Variants in RPIA observed in about 807,000 individuals in gnomAD.
RPIA encodes ribose 5-phosphate isomerase A, also known as ribose-5-phosphate isomerase.
In RPIA, 29 loss-of-function variants were observed where a neutral mutation model predicts 37.8. The observed-to-expected ratio is 0.77, with a 90% CI of 0.57 to 1.05. The LOEUF (loss-of-function observed/expected upper bound fraction) is 1.05. RPIA is among the 50% of genes least tolerant of loss of function. The probability of loss-of-function intolerance (pLI) is 0.00; values close to 1 mark genes in which losing one functional copy is unlikely to be tolerated. For missense variants in RPIA, 385 were observed against 413.6 expected, an observed-to-expected ratio of 0.93 and a Z score of 0.60; for synonymous variants, 167 against 157.0, an observed-to-expected ratio of 1.06 and a Z score of -0.48.
At position 88,735,720 on chromosome 2, in the gene RPIA, C is replaced by T. The variant is rs749176116; in HGVS notation, c.579C>T (p.Ile193=). 16 of 1,613,880 alleles carry T rather than the reference C, an allele frequency of 9.9e-6. No individual in the cohort carries two copies. Among genetic ancestry groups the T allele is most frequent in the South Asian group, 4.4e-5 (4 of 91,064 alleles). Residue 193 remains isoleucine, a synonymous_variant, in exon 6 of 9, where the codon ATC becomes ATT. Coordinates refer to ENST00000283646, the MANE Select transcript of RPIA (RefSeq NM_144563.3). ...TGGCTGGCTATGCTAGTCGCTTCATCGTGATCGCTGATTTCAGGTACAGTT... is the reference window on the plus strand; with the variant it reads ...TGGCTGGCTATGCTAGTCGCTTCATTGTGATCGCTGATTTCAGGTACAGTT... ...KIVAGYASRF[I]VIADFRKDSK...
At chr2:88,712,858 G>GCTTCTT (rs928368624) in intron 3 of RPIA, among the ~76,000 whole-genome samples, 37 of 151,298 alleles carry the variant, frequency 2.4e-4, no homozygotes, top group Non-Finnish European at 5.2e-4. Flanking sequence ...GGTTGCCCTT[G>GCTTCTT]CTTCTTCTTC....
intron 1 of RPIA, among the ~76,000 whole-genome samples, chr2:88,693,894 C>T (rs191899066): frequency 1.3e-5 from 2 of 152,336 alleles, no homozygotes; most frequent in Admixed American, 6.5e-5. Flanking sequence ...TGGGTGTAGC[C>T]ACCCAGGATG....
Position 88,723,400 on chromosome 2 carries a change from C to T in RPIA, c.403-5878C>T, listed in dbSNP as rs369203361. Reference sequence around the variant, plus strand: ...CATAAAGGAGTTACCTGCCTTCCATCGTCATGGAAACAGGAAATCTTGCAT... The same window carrying T: ...CATAAAGGAGTTACCTGCCTTCCATTGTCATGGAAACAGGAAATCTTGCAT... On this transcript the variant is annotated intron_variant, in intron 3 of 8. Coordinates refer to ENST00000283646, the MANE Select transcript of RPIA (RefSeq NM_144563.3). Among the ~76,000 whole-genome samples, 55 of 152,268 alleles carry T rather than the reference C, an allele frequency of 3.6e-4. No individual in the cohort carries two copies. The South Asian group carries it at 6.8e-3, about 19-fold the overall frequency.
intron 3 of RPIA, among the ~76,000 whole-genome samples, chr2:88,723,748 T>C (rs1174279704): frequency 6.6e-6 from 1 of 152,136 alleles, no homozygotes; most frequent in African/African-American, 2.4e-5. Context: ...CACGTGCCTG[T>C]GACACACCTC....
At chr2:88,732,963 A>G (rs560700536) in intron 4 of RPIA, among the ~76,000 whole-genome samples, 1 of 152,312 alleles carries the variant, frequency 6.6e-6, no homozygotes, top group East Asian at 1.9e-4. Context: ...AGGATACCAC[A>G]ATTTTCCCAT....
At chr2:88,741,200 C>T (rs1673377912) in intron 8 of RPIA, among the ~76,000 whole-genome samples, 1 of 152,128 alleles carries the variant, frequency 6.6e-6, no homozygotes. Flanking sequence ...AGTCTTTTCT[C>T]CCTTGTCCCA....
At position 88,691,967 on chromosome 2, in the gene RPIA, T is replaced by C; in HGVS notation, c.269T>C (p.Val90Ala). 2 of 1,590,136 alleles carry C rather than the reference T, an allele frequency of 1.3e-6. No homozygotes were observed. Among genetic ancestry groups the C allele is most frequent in the Non-Finnish European group, 1.7e-6 (2 of 1,169,584 alleles). ...AAGAAGCTGGCGGGCCGCGCGGCTGTGGAGAACCACGTGAGGGTGAGCACT... is the reference window on the plus strand; with the variant it reads ...AAGAAGCTGGCGGGCCGCGCGGCTGCGGAGAACCACGTGAGGGTGAGCACT... ...EAKKLAGRAAVENHVRNNQVL... is the reference protein window; with the variant it reads ...EAKKLAGRAAAENHVRNNQVL... The change falls in exon 1 of 9, where the codon GTG becomes GCG. Residue 90 changes from valine to alanine, a missense_variant. Physicochemically the swap from Val to Ala is moderately conservative, Grantham distance 64. Around this residue, in one of 2 missense-constraint regions of RPIA, gnomAD observed 232 missense variants for 203.0 expected, o/e 1.14. Transcript: ENST00000283646.
Position 88,699,994 on chromosome 2 carries a change from C to T in RPIA, c.347-15C>T. Reference sequence around the variant, plus strand: ...GGAGAGTGAAAAACTGCCAATATGGCTTTTGTTTCCACAGCTGAAAGGGTG... The same window carrying T: ...GGAGAGTGAAAAACTGCCAATATGGTTTTTGTTTCCACAGCTGAAAGGGTG... On this transcript the variant is annotated splice_polypyrimidine_tract_variant and intron_variant, in intron 2 of 8. Transcript: ENST00000283646. 2.5e-6 allele frequency: 4 copies of T among 1,614,012 alleles called. No homozygotes were observed. Among genetic ancestry groups the T allele is most frequent in the Non-Finnish European group, 3.4e-6 (4 of 1,179,838 alleles).
At chr2:88,722,542 C>G (rs1673147045) in intron 3 of RPIA, among the ~76,000 whole-genome samples, 1 of 152,214 alleles carries the variant, frequency 6.6e-6, no homozygotes, top group Non-Finnish European at 1.5e-5. Flanking sequence ...CATCTTGCTT[C>G]TAACCTTTAC....
rs766404878 is a variant in RPIA at position 88,691,732 on chromosome 2, G to A, written c.34G>A (p.Gly12Arg). Residue 12 changes from glycine to arginine, a missense_variant, in exon 1 of 9, where the codon GGG (glycine) becomes AGG (arginine). Gly to Arg is a moderately radical substitution (Grantham distance 125). Coordinates refer to ENST00000283646, the MANE Select transcript of RPIA (RefSeq NM_144563.3). Reference sequence around the variant, plus strand: ...CCCCGGGCCCTTCAGCACCCTCTACGGGCGGGTCTTGGCCCCGCTGCCCGG... The same window carrying A: ...CCCCGGGCCCTTCAGCACCCTCTACAGGCGGGTCTTGGCCCCGCTGCCCGG... ...QRPGPFSTLYGRVLAPLPGRA... is the reference protein window; with the variant it reads ...QRPGPFSTLYRRVLAPLPGRA... The A allele has an allele frequency of 3.1e-6, 5 of 1,593,980 alleles. No homozygotes were observed. Among genetic ancestry groups the A allele is most frequent in the African/African-American group, 2.7e-5 (2 of 74,580 alleles).
chr2:88,742,945 A>T (rs746932413), intron 8 of RPIA, among the ~76,000 whole-genome samples: 10 of 152,062 alleles, frequency 6.6e-5, no homozygotes, highest in Admixed American at 1.3e-4. Flanking sequence ...AGCTTTTTGG[A>T]TGAGTCCTGA....
At chr2:88,716,599 A>T (rs1048479941) in intron 3 of RPIA, among the ~76,000 whole-genome samples, 3 of 152,206 alleles carry the variant, frequency 2.0e-5, no homozygotes, top group Non-Finnish European at 4.4e-5. Flanking sequence ...AGACTGGAAA[A>T]TGCTGGCCCA....
chr2:88,698,342 A>G (rs1573459288), intron 1 of RPIA, 142 bp from the exon 2 acceptor site: 1 of 765,302 alleles, frequency 1.3e-6, no homozygotes, highest in Non-Finnish European at 2.3e-6. Context: ...TTATGTTCCT[A>G]TAAAATAGGC....
At chr2:88,742,790 A>AT (rs1371504511) in intron 8 of RPIA, among the ~76,000 whole-genome samples, 6 of 151,138 alleles carry the variant, frequency 4.0e-5, no homozygotes, top group African/African-American at 7.3e-5. Context: ...TAAGTATTTT[A>AT]TTTTTTTTGC....
chr2:88,730,319 A>G (rs1234699680), intron 4 of RPIA, among the ~76,000 whole-genome samples: 1 of 102,072 alleles, frequency 9.8e-6, no homozygotes, highest in East Asian at 3.2e-4. Flanking sequence ...TGATGCAAAA[A>G]TCCTCAATAA....
intron 3 of RPIA, among the ~76,000 whole-genome samples, chr2:88,708,905 C>T (rs778240002): frequency 1.3e-5 from 2 of 152,070 alleles, no homozygotes; most frequent in East Asian, 1.9e-4. Context: ...TCCAGGTACC[C>T]GCCACCATGC....
chr2:88,693,900 G>A (rs891104795), intron 1 of RPIA, among the ~76,000 whole-genome samples: 1 of 152,232 alleles, frequency 6.6e-6, no homozygotes, highest in Non-Finnish European at 1.5e-5. Context: ...TAGCCACCCA[G>A]GATGGGTCGA....
At chr2:88,702,560 G>A (rs1304633148) in intron 3 of RPIA, among the ~76,000 whole-genome samples, 10 of 150,062 alleles carry the variant, frequency 6.7e-5, no homozygotes, top group Admixed American at 4.0e-4. Flanking sequence ...ATCAGATCTC[G>A]TGAGACTTGC....
At chr2:88,729,189 C>A in intron 3 of RPIA, 89 bp from the exon 4 acceptor site, 2 of 1,398,800 alleles carry the variant, frequency 1.4e-6, no homozygotes, top group South Asian at 1.2e-5. Flanking sequence ...CTGGGTAGGA[C>A]TTGGGACACT....
Sources: gnomAD v4.1 joint callset for allele counts (sites outside exome capture counted in the v4.1 genomes callset) on GRCh38, gnomAD v4.1.1 for gene constraint, gnomAD v4.1.1 regional missense constraint, MANE v1.5 for transcripts, NCBI Gene and HGNC (gene_info 2026-07-23, HGNC 2026-07-21) for gene names.